Variants in BPIFC observed in about 807,000 individuals in gnomAD.
The protein encoded by BPIFC is BPI fold containing family C.
Under a neutral mutation model 57.6 loss-of-function variants are expected in BPIFC, and 60 were observed. The ratio of observed to expected loss-of-function variants is 1.04; its 90% CI spans 0.85 to 1.29. The LOEUF is 1.29. Among genes scored for constraint, BPIFC ranks in the 50% most tolerant of loss-of-function variants. The pLI is 0.00. For missense variants in BPIFC, 581 were observed against 600.5 expected, an observed-to-expected ratio of 0.97 and a Z score of 0.34; for synonymous variants, 243 against 224.5, an observed-to-expected ratio of 1.08 and a Z score of -0.74.
In BPIFC at chr22:32,453,486, T is replaced by G; in HGVS notation, c.142A>C (p.Lys48Gln). The G allele has an allele frequency of 1.9e-6, 3 of 1,600,398 alleles. No individual in the cohort carries two copies. The highest frequency in any genetic ancestry group is 1.7e-5 in the Admixed American group (1 of 57,156). Residue 48 changes from lysine (K) to glutamine (Q), a missense_variant, in exon 4 of 17, where the codon AAG becomes CAG. Lys to Gln is a moderately conservative substitution (Grantham distance 53, BLOSUM62 1). Coordinates refer to ENST00000300399, the MANE Select transcript of BPIFC (RefSeq NM_174932.3). ...TCTTTTAGCATTTGCTCAATCATCTTCATTCCAGCTTGAACACCTGTGAAG... is the reference window on the plus strand; with the variant it reads ...TCTTTTAGCATTTGCTCAATCATCTGCATTCCAGCTTGAACACCTGTGAAG... ...ALDYGVQAGM[K>Q]MIEQMLKEKK...
In BPIFC at chr22:32,432,791, AATCCCTGTGAGGCAGATTCTATCAGC is replaced by A. The variant is rs1324364562; in HGVS notation, c.979-274_979-249del. Among the ~76,000 whole-genome samples the A allele has an allele frequency of 5.9e-5, 9 of 152,346 alleles. No homozygotes were observed. The East Asian group carries it at 1.7e-3, about 29-fold the overall frequency. ...ATATTATCACATTTAATCTTCAGAA[AATCCCTGTGAGGCAGATTCTATCAGC>A]ATCCCTGTTTCATAGTGGAGAACGT... On this transcript the variant is annotated intron_variant, in intron 11 of 16. Coordinates refer to ENST00000300399, the MANE Select transcript of BPIFC (RefSeq NM_174932.3).
At chr22:32,463,340 C>T (rs184742991) in intron 1 of BPIFC, among the ~76,000 whole-genome samples, 24 of 152,308 alleles carry the variant, frequency 1.6e-4, no homozygotes, top group African/African-American at 5.1e-4. Context: ...AAAAACCCCA[C>T]CAGCAAGTTA....
At chr22:32,452,236 G>T (rs1023896168) in intron 4 of BPIFC, among the ~76,000 whole-genome samples, 1 of 152,194 alleles carries the variant, frequency 6.6e-6, no homozygotes, top group African/African-American at 2.4e-5. Flanking sequence ...GGCTTGATAT[G>T]TAGCAGGTGC....
At chr22:32,441,491 C>G (rs573934832) in intron 8 of BPIFC, among the ~76,000 whole-genome samples, 129 of 152,260 alleles carry the variant, frequency 8.5e-4, no homozygotes, top group African/African-American at 2.8e-3. Flanking sequence ...AGGTGCTCAG[C>G]GCGCCATTGG....
chr22:32,445,674 C>T lies in BPIFC; in HGVS notation c.555G>A (p.Glu185=). The T allele has an allele frequency of 6.6e-7, 1 of 1,512,396 alleles. No individual in the cohort carries two copies. The highest frequency in any genetic ancestry group is 9.0e-7 in the Non-Finnish European group (1 of 1,111,594). 93.7% of individuals were successfully genotyped at this position (1,512,396 alleles called of 1,614,324 possible). A position where few individuals can be genotyped will look rare whatever the true frequency, so the allele number is the denominator to read the frequency against. ...TCTTTAAAATGGGTTTCTCCATGGG[C>T]TCAGCAAAGGAGTTATACAGAACAC... is the stretch of plus-strand genomic sequence containing the variant. ...ELSVLYNSFA[E]PMEKPILKNL... is the part of the protein sequence containing the mutation. The change falls in exon 7 of 17, where the codon GAG becomes GAA. Residue 185 remains glutamate, a synonymous_variant. Coordinates refer to ENST00000300399, the MANE Select transcript of BPIFC (RefSeq NM_174932.3).
At chr22:32,417,352 AT>A (rs952470856) in intron 14 of BPIFC, among the ~76,000 whole-genome samples, 34 of 151,742 alleles carry the variant, frequency 2.2e-4, no homozygotes, top group Admixed American at 1.4e-3. Context: ...AGTTAAAAAA[AT>A]TTTTTTTAGG....
rs556730548 is a variant in BPIFC, at chr22:32,451,621, C to T, written c.245+1762G>A. On this transcript the variant is annotated intron_variant, in intron 4 of 16. Transcript: ENST00000300399. ...AAACGACGAGTTAATGGGTGCAGCA[C>T]ACCAACATGGCACATGTATACATAT... Among the ~76,000 whole-genome samples, 16 of 152,168 alleles carry T rather than the reference C, an allele frequency of 1.1e-4. No homozygotes were observed. In the South Asian group the frequency reaches 3.1e-3, roughly 30 times the overall value.
At chr22:32,437,141 G>A (rs943731058) in intron 9 of BPIFC, among the ~76,000 whole-genome samples, 2 of 152,212 alleles carry the variant, frequency 1.3e-5, no homozygotes, top group African/African-American at 4.8e-5. Context: ...AATAAATGCA[G>A]ACTGCTCTAC....
At chr22:32,461,725 T>C in intron 1 of BPIFC, 64 bp from the exon 2 acceptor site, 2 of 815,526 alleles carry the variant, frequency 2.5e-6, no homozygotes, top group Non-Finnish European at 3.0e-6. Context: ...GGACTCAGGT[T>C]AGTGGCTGCT....
At chr22:32,448,432 T>C (rs1252741478) in intron 4 of BPIFC, among the ~76,000 whole-genome samples, 1 of 152,152 alleles carries the variant, frequency 6.6e-6, no homozygotes, top group Non-Finnish European at 1.5e-5. Context: ...TTGGTGCATA[T>C]GCCAGTAGTG....
intron 1 of BPIFC, among the ~76,000 whole-genome samples, chr22:32,462,168 CAAAAAAAAAA>C (rs35716277): frequency 1.9e-5 from 1 of 53,600 alleles, no homozygotes; most frequent in Admixed American, 3.1e-4. Context: ...GACTCCATCT[CAAAAAAAAAA>C]AAAAAAAAAA....
intron 15 of BPIFC, 103 bp from the exon 16 acceptor site, chr22:32,416,094 T>TTTTG (rs1420277676): frequency 1.4e-6 from 1 of 705,248 alleles, no homozygotes; most frequent in Non-Finnish European, 2.2e-6. Context: ...TTTTTTTTTT[T>TTTTG]TTGAGATGGA....
At chr22:32,440,848 G>A (rs1934546512) in intron 8 of BPIFC, among the ~76,000 whole-genome samples, 1 of 152,066 alleles carries the variant, frequency 6.6e-6, no homozygotes, top group Non-Finnish European at 1.5e-5. Context: ...AATTGTATGG[G>A]TCACTGCACT....
chr22:32,428,084 G>T (rs1412175874), intron 13 of BPIFC, among the ~76,000 whole-genome samples: 2 of 152,040 alleles, frequency 1.3e-5, no homozygotes, highest in East Asian at 3.9e-4. Flanking sequence ...TGGAAATGGG[G>T]TCACCTCATG....
chr22:32,458,191 A>G (rs1935085004), intron 2 of BPIFC, among the ~76,000 whole-genome samples: 1 of 152,066 alleles, frequency 6.6e-6, no homozygotes, highest in South Asian at 2.1e-4. Flanking sequence ...CCACTTCCTC[A>G]TTGACCTCTG....
intron 16 of BPIFC, among the ~76,000 whole-genome samples, chr22:32,415,288 G>A (rs540270355): frequency 6.6e-6 from 1 of 152,294 alleles, no homozygotes; most frequent in South Asian, 2.1e-4. Flanking sequence ...GCCACAGACC[G>A]GGACAGGTCC....
At chr22:32,448,666 G>A (rs113817915) in intron 4 of BPIFC, among the ~76,000 whole-genome samples, 6 of 152,152 alleles carry the variant, frequency 3.9e-5, no homozygotes, top group East Asian at 2.0e-4. Flanking sequence ...ACAGCTGGGC[G>A]CGGTGGCTCA....
At chr22:32,428,441 G>A (rs560251019) in intron 13 of BPIFC, among the ~76,000 whole-genome samples, 1 of 151,962 alleles carries the variant, frequency 6.6e-6, no homozygotes, top group African/African-American at 2.4e-5. Flanking sequence ...GCCTCTCATG[G>A]GCTTTTAAAG....
intron 8 of BPIFC, among the ~76,000 whole-genome samples, chr22:32,441,442 C>T (rs1934561849): frequency 6.6e-6 from 1 of 152,186 alleles, no homozygotes; most frequent in Non-Finnish European, 1.5e-5. Context: ...GGGAATACTG[C>T]TGCATCCCCA....
Sources: allele counts gnomAD v4.1 joint callset (sites outside exome capture counted in the v4.1 genomes callset), GRCh38; gene constraint gnomAD v4.1.1; transcripts MANE v1.5; gene names NCBI Gene and HGNC (gene_info 2026-07-23, HGNC 2026-07-21).